The following SMARCB1 variants were observed in gnomAD, a reference collection of about 807,000 sequenced individuals.
The protein encoded by SMARCB1 is SWI/SNF related BAF chromatin remodeling complex subunit B1, also known as SWI/SNF-related matrix-associated actin-dependent regulator of chromatin subfamily B member 1.
In SMARCB1, 5 loss-of-function variants were observed where a neutral mutation model predicts 49.0. The observed-to-expected ratio is 0.10, with a 90% confidence interval of 0.05 to 0.21. The LOEUF (loss-of-function observed/expected upper bound fraction) is 0.21. Among genes scored for constraint, SMARCB1 ranks in the 10% least tolerant of loss-of-function variants. The pLI is 1.00. For synonymous variants in SMARCB1, 201 were observed against 200.1 expected, an observed-to-expected ratio of 1.00 and a Z score of -0.04; for missense variants, 226 against 509.2, an observed-to-expected ratio of 0.44 and a Z score of 5.35.
At position 23,833,189 on chromosome 22, in the gene SMARCB1, A is replaced by C. The variant is rs186587861; in HGVS notation, c.987-383A>C. ...CCTGGCTCTGGACACTGAGTGGAGC[A>C]GACAGTCCTCCTGCCCCTATAGGTT... On this transcript the variant is annotated intron_variant, in intron 7 of 8. Coordinates refer to ENST00000644036, the MANE Select transcript of SMARCB1 (RefSeq NM_003073.5). 3.9e-5 allele frequency among the ~76,000 whole-genome samples: 6 copies of C among 152,244 alleles called. No individual in the cohort carries two copies. The East Asian group carries it at 1.2e-3, about 29-fold the overall frequency.
At position 23,834,265 on chromosome 22, in the gene SMARCB1, G is replaced by A. The variant is rs2030849897; in HGVS notation, c.*85G>A. The A allele has an allele frequency of 1.4e-6, 2 of 1,427,336 alleles. No homozygotes were observed. Among genetic ancestry groups the A allele is most frequent in the Admixed American group, 3.9e-5 (2 of 50,934 alleles). 88.4% of individuals were successfully genotyped at this position (1,427,336 alleles called of 1,614,324 possible). A position where few individuals can be genotyped will look rare whatever the true frequency, so the allele number is the denominator to read the frequency against. On this transcript the variant is annotated 3_prime_UTR_variant, in exon 9 of 9. Coordinates refer to ENST00000644036, the MANE Select transcript of SMARCB1 (RefSeq NM_003073.5). The stretch of plus-strand genomic sequence containing the variant: ...CATCTTCTGGCAAGGACAGAGGCGA[G>A]GGGACAGCCCAGCGCCATCCTGAGG...
chr22:23,790,413 A>G (rs1928301994), intron 1 of SMARCB1, among the ~76,000 whole-genome samples: 1 of 152,164 alleles, frequency 6.6e-6, no homozygotes, highest in Non-Finnish European at 1.5e-5. Flanking sequence ...CATTTTATTT[A>G]ATACTATGCC....
intron 4 of SMARCB1, 79 bp from the exon 5 acceptor site, chr22:23,803,216 G>A: frequency 5.0e-6 from 8 of 1,589,916 alleles, no homozygotes; most frequent in Non-Finnish European, 6.9e-6. Context: ...GAAGCCTGCT[G>A]TGCAGAGAGA....
intron 7 of SMARCB1, among the ~76,000 whole-genome samples, chr22:23,827,805 G>T (rs762903911): frequency 1.3e-5 from 2 of 152,148 alleles, no homozygotes; most frequent in African/African-American, 2.4e-5. Flanking sequence ...TTAGGGTTGG[G>T]CTGTCATCCC....
Position 23,799,679 on chromosome 22 carries a change from ATTTTTTT to A in SMARCB1, c.363-1248_363-1242del, listed in dbSNP as rs71184912. ...AGGTTCCTGCCATCACACCTGGCTAATTTTTTTTTTTTTTTTTTTTTTTGAGACGGAG... is the reference window on the plus strand; with the variant it reads ...AGGTTCCTGCCATCACACCTGGCTAATTTTTTTTTTTTTTTTGAGACGGAG... On this transcript the variant is annotated intron_variant, in intron 3 of 8. Coordinates refer to ENST00000644036, the MANE Select transcript of SMARCB1 (RefSeq NM_003073.5). 2.0e-4 allele frequency among the ~76,000 whole-genome samples: 14 copies of A among 68,416 alleles called. 1 individual carries two copies. Among genetic ancestry groups the A allele is most frequent in the East Asian group, 1.4e-3 (3 of 2,128 alleles). The allele number at this position is 68,416 out of a possible 152,430, so 44.9% of individuals were successfully genotyped here.
chr22:23,822,561 G>A (rs141433179), intron 6 of SMARCB1, among the ~76,000 whole-genome samples: 10 of 152,222 alleles, frequency 6.6e-5, no homozygotes, highest in East Asian at 3.9e-4. Context: ...CCAAAATACC[G>A]CAGAAGCTTC....
Position 23,787,267 on chromosome 22 carries a change from C to A in SMARCB1, c.93+5C>A. The A allele has an allele frequency of 1.3e-6, 2 of 1,572,432 alleles. No homozygotes were observed. The highest frequency in any genetic ancestry group is 1.7e-6 in the Non-Finnish European group (2 of 1,150,968). Reference sequence around the variant, plus strand: ...TTCTACATGATCGGCTCCGAGGTAGCCCGGGGCGCGTTCTCGCCCTCCCCG... The same window carrying A: ...TTCTACATGATCGGCTCCGAGGTAGACCGGGGCGCGTTCTCGCCCTCCCCG... On this transcript the variant is annotated splice_donor_5th_base_variant and intron_variant, in intron 1 of 8. Transcript: ENST00000644036.
intron 6 of SMARCB1, among the ~76,000 whole-genome samples, chr22:23,820,171 G>A (rs970875253): frequency 6.6e-6 from 1 of 152,094 alleles, no homozygotes; most frequent in South Asian, 2.1e-4. Context: ...ATTCATAAGG[G>A]GTGTAGGTCT....
At chr22:23,794,802 G>A (rs1928635711) in intron 3 of SMARCB1, among the ~76,000 whole-genome samples, 1 of 152,148 alleles carries the variant, frequency 6.6e-6, no homozygotes, top group South Asian at 2.1e-4. Flanking sequence ...GGAGCCTGAG[G>A]CAGGAGAATT....
chr22:23,787,152 C>T lies in SMARCB1; in HGVS notation c.-18C>T. On this transcript the variant is annotated 5_prime_UTR_variant, in exon 1 of 9. Transcript: ENST00000644036. ...ATCCCTCGCAGCCCGGCTCCGGCCG[C>T]CCGCCTCTGCCGCCGCAATGATGAT... The T allele has an allele frequency of 6.3e-7, 1 of 1,578,262 alleles. No individual in the cohort carries two copies. The highest frequency in any genetic ancestry group is 8.7e-7 in the Non-Finnish European group (1 of 1,150,532).
intron 6 of SMARCB1, among the ~76,000 whole-genome samples, chr22:23,819,450 T>C (rs2029957952): frequency 6.6e-6 from 1 of 151,990 alleles, no homozygotes; most frequent in Non-Finnish European, 1.5e-5. Flanking sequence ...TGCTTCAGCT[T>C]CCTGAGTAGC....
chr22:23,816,912 G>T lies in SMARCB1; in HGVS notation c.771G>T (p.Gln257His). 6.2e-7 allele frequency: 1 copy of T among 1,614,114 alleles called. No homozygotes were observed. ...CCACGGACAGCATCCTGGAGGACCAGTCAGACCAGCGCGTCATCATCAAGG... is the reference window on the plus strand; with the variant it reads ...CCACGGACAGCATCCTGGAGGACCATTCAGACCAGCGCGTCATCATCAAGG... ...SYPTDSILEDQSDQRVIIKLN... is the reference protein window; with the variant it reads ...SYPTDSILEDHSDQRVIIKLN... The change falls in exon 6 of 9, where the codon CAG becomes CAT. Residue 257 changes from glutamine to histidine, a missense_variant. Transcript: ENST00000644036.
chr22:23,828,381 AG>A (rs2030490672), intron 7 of SMARCB1, among the ~76,000 whole-genome samples: 1 of 148,206 alleles, frequency 6.7e-6, no homozygotes, highest in South Asian at 2.4e-4. Flanking sequence ...TTTTCAGGCT[AG>A]GCATGGTGGC....
chr22:23,816,841 G>T lies in SMARCB1; in HGVS notation c.700G>T (p.Val234Leu), dbSNP rs1272912695. ...TCTGGATTTGAACCCGCTGACGTTT[G>T]TGCCAGCCATCGCCTCTGCCATCAG... ...DDLDLNPLTF[V>L]PAIASAIRQQ... The change falls in exon 6 of 9, where the codon GTG (valine) becomes TTG (leucine). Residue 234 changes from valine (V) to leucine (L), a missense_variant. Physicochemically the swap from Val to Leu is conservative, Grantham distance 32. Around this residue, in one of 6 missense-constraint regions of SMARCB1, gnomAD observed 128 missense variants for 263.9 expected, o/e 0.49. Transcript: ENST00000644036. 1 of 1,613,836 alleles carries T rather than the reference G, an allele frequency of 6.2e-7. No individual in the cohort carries two copies. Among genetic ancestry groups the T allele is most frequent in the African/African-American group, 1.3e-5 (1 of 74,926 alleles).
At chr22:23,798,627 T>C (rs993042218) in intron 3 of SMARCB1, among the ~76,000 whole-genome samples, 3 of 152,060 alleles carry the variant, frequency 2.0e-5, no homozygotes, top group African/African-American at 4.8e-5. Flanking sequence ...ATTCCCACTT[T>C]AGAAGGGAAA....
At chr22:23,814,067 C>T (rs769410011) in intron 5 of SMARCB1, among the ~76,000 whole-genome samples, 2 of 152,076 alleles carry the variant, frequency 1.3e-5, no homozygotes, top group Admixed American at 6.6e-5. Context: ...TGAGCTCAGG[C>T]AGTCCGCCTG....
intron 6 of SMARCB1, among the ~76,000 whole-genome samples, chr22:23,819,878 G>A (rs1277921078): frequency 6.6e-6 from 1 of 152,046 alleles, no homozygotes; most frequent in Admixed American, 6.6e-5. Flanking sequence ...CCAGGCTGGA[G>A]TGCAGTGGCA....
chr22:23,797,681 G>T (rs1190265376), intron 3 of SMARCB1, among the ~76,000 whole-genome samples: 1 of 136,916 alleles, frequency 7.3e-6, no homozygotes, highest in Non-Finnish European at 1.5e-5. Flanking sequence ...GAAGTGGCGG[G>T]ATCTCAGCTC....
intron 7 of SMARCB1, among the ~76,000 whole-genome samples, chr22:23,829,346 G>A (rs1244363082): frequency 2.6e-5 from 4 of 152,198 alleles, no homozygotes; most frequent in African/African-American, 2.4e-5. Context: ...AGGAAGGACC[G>A]AGAGGAGACC....
Sources: gnomAD v4.1 joint callset for allele counts (sites outside exome capture counted in the v4.1 genomes callset) on GRCh38, gnomAD v4.1.1 for gene constraint, gnomAD v4.1.1 regional missense constraint, MANE v1.5 for transcripts, NCBI Gene and HGNC (gene_info 2026-07-23, HGNC 2026-07-21) for gene names.